PDGFD: variants seen among roughly 807,000 people sequenced by gnomAD.
The protein encoded by PDGFD is platelet derived growth factor D.
A neutral mutation model predicts 44.7 loss-of-function variants in PDGFD; 30 were observed. That is an observed-to-expected ratio of 0.67 (90% CI 0.50 to 0.91). The LOEUF (loss-of-function observed/expected upper bound fraction) is 0.91, where lower values mean the gene tolerates loss of function less well. PDGFD is among the 40% of genes least tolerant of loss of function. The pLI is 0.00. For synonymous variants in PDGFD, 173 were observed against 168.4 expected (o/e 1.03, Z -0.21); for missense variants, 445 against 457.8 (o/e 0.97, Z 0.25).
intron 1 of PDGFD, among the ~76,000 whole-genome samples, chr11:104,094,739 A>G (rs1861259050): frequency 6.6e-6 from 1 of 152,098 alleles, no homozygotes; most frequent in South Asian, 2.1e-4. Flanking sequence ...CATCCCATTC[A>G]TTGACAAATA....
chr11:104,020,808 T>A (rs1404278188), intron 1 of PDGFD, among the ~76,000 whole-genome samples: 1 of 152,190 alleles, frequency 6.6e-6, no homozygotes, highest in Non-Finnish European at 1.5e-5. Flanking sequence ...AATGCTAATA[T>A]AAAAGTATCA....
chr11:104,059,097 A>C (rs1024012622), intron 1 of PDGFD, among the ~76,000 whole-genome samples: 1 of 152,178 alleles, frequency 6.6e-6, no homozygotes, highest in Non-Finnish European at 1.5e-5. Flanking sequence ...GTCAAAACTC[A>C]ACCTGTACAA....
chr11:103,990,040 C>A (rs776998110), intron 3 of PDGFD, among the ~76,000 whole-genome samples: 1 of 152,030 alleles, frequency 6.6e-6, no homozygotes, highest in Non-Finnish European at 1.5e-5. Flanking sequence ...CCTTAGCTAA[C>A]CCTCTGGTTT....
intron 1 of PDGFD, among the ~76,000 whole-genome samples, chr11:104,118,073 A>T (rs1002155709): frequency 1.3e-5 from 2 of 151,938 alleles, no homozygotes; most frequent in African/African-American, 4.8e-5. Context: ...GTTTTTGTCC[A>T]TTCTTTCAGA....
At chr11:103,935,241 G>T (rs118041504) in intron 5 of PDGFD, among the ~76,000 whole-genome samples, 1 of 152,164 alleles carries the variant, frequency 6.6e-6, no homozygotes, top group Non-Finnish European at 1.5e-5. Flanking sequence ...GGACAACTGC[G>T]TCTAGGATGA....
intron 1 of PDGFD, among the ~76,000 whole-genome samples, chr11:104,107,280 T>G (rs1861484873): frequency 6.6e-6 from 1 of 152,104 alleles, no homozygotes; most frequent in African/African-American, 2.4e-5. Flanking sequence ...CTCTTGTTAG[T>G]CTTAAAGAAG....
intron 2 of PDGFD, among the ~76,000 whole-genome samples, chr11:103,998,678 C>A (rs1308854841): frequency 6.6e-6 from 1 of 152,174 alleles, no homozygotes; most frequent in Non-Finnish European, 1.5e-5. Flanking sequence ...CTATTTACAG[C>A]TGGTTGATCA....
intron 1 of PDGFD, among the ~76,000 whole-genome samples, chr11:104,127,572 C>T (rs1861858565): frequency 6.6e-6 from 1 of 152,146 alleles, no homozygotes; most frequent in South Asian, 2.1e-4. Flanking sequence ...ATAGCCTTTA[C>T]CATCACATCC....
intron 5 of PDGFD, among the ~76,000 whole-genome samples, chr11:103,933,275 G>GATC: frequency 6.6e-6 from 1 of 152,210 alleles, no homozygotes; most frequent in East Asian, 1.9e-4. Flanking sequence ...AGGTTCATAA[G>GATC]TTCACCAGGA....
chr11:104,017,612 C>T (rs1232923170), intron 1 of PDGFD, among the ~76,000 whole-genome samples: 1 of 152,116 alleles, frequency 6.6e-6, no homozygotes, highest in African/African-American at 2.4e-5. Flanking sequence ...AACACGAAAC[C>T]GTTCAACAAA....
chr11:104,107,216 C>A (rs1051109280), intron 1 of PDGFD, among the ~76,000 whole-genome samples: 6 of 152,150 alleles, frequency 3.9e-5, no homozygotes, highest in Non-Finnish European at 8.8e-5. Context: ...ATCACATGTG[C>A]CCTTTAAAAG....
chr11:103,928,710 C>G (rs1337101953), intron 5 of PDGFD, among the ~76,000 whole-genome samples: 3 of 151,940 alleles, frequency 2.0e-5, no homozygotes, highest in African/African-American at 7.3e-5. Context: ...TTTTTTTCTT[C>G]CTTTGTAAAG....
chr11:104,121,642 T>A (rs532172379), intron 1 of PDGFD, among the ~76,000 whole-genome samples: 2 of 152,198 alleles, frequency 1.3e-5, no homozygotes, highest in Non-Finnish European at 2.9e-5. Context: ...ATAAAGTTAA[T>A]CTTGCAAATT....
intron 1 of PDGFD, among the ~76,000 whole-genome samples, chr11:104,156,146 T>C (rs1862304425): frequency 6.6e-6 from 1 of 152,180 alleles, no homozygotes; most frequent in South Asian, 2.1e-4. Context: ...AAACATGTTG[T>C]ACATGATATA....
At position 104,163,845 on chromosome 11, in the gene PDGFD, G is replaced by A. The variant is rs754717378; in HGVS notation, c.83C>T (p.Ala28Val). The A allele has an allele frequency of 6.4e-7, 1 of 1,572,548 alleles. No individual in the cohort carries two copies. The highest frequency in any genetic ancestry group is 8.7e-7 in the Non-Finnish European group (1 of 1,149,844). The change falls in exon 1 of 7, where the codon GCA becomes GTA. Residue 28 changes from alanine to valine, a missense_variant. Transcript: ENST00000393158. ...CRDTSATPQS[A>V]SIKALRNANL... ...GGCGTTGCGCAAAGCTTTGATGGAT[G>A]CGCTCTGCGGGGTTGCAGAAGTGTC...
At chr11:103,993,585 A>G (rs1337677787) in intron 3 of PDGFD, among the ~76,000 whole-genome samples, 2 of 152,052 alleles carry the variant, frequency 1.3e-5, no homozygotes, top group African/African-American at 4.8e-5. Context: ...TGGTCTCTTA[A>G]GTTTATAAAC....
At chr11:103,942,937 G>C (rs1457925705) in intron 5 of PDGFD, among the ~76,000 whole-genome samples, 2 of 152,046 alleles carry the variant, frequency 1.3e-5, no homozygotes, top group Non-Finnish European at 2.9e-5. Flanking sequence ...CAAAAAATAA[G>C]AAGCTGGTTC....
rs139518408 is a variant in PDGFD at position 104,063,854 on chromosome 11, C to A, written c.125-63599G>T. 4.6e-3 allele frequency among the ~76,000 whole-genome samples: 700 copies of A among 152,220 alleles called. 4 individuals carry two copies. Among genetic ancestry groups the A allele is most frequent in the African/African-American group, 0.016 (666 of 41,534 alleles). On this transcript the variant is annotated intron_variant, in intron 1 of 6. Coordinates refer to ENST00000393158, the MANE Select transcript of PDGFD (RefSeq NM_025208.5). ...TACCTCCCCTGACATATGGAGATTA[C>A]AATTTGAGATGAGATTTGGGTGGGG... is the stretch of plus-strand genomic sequence containing the variant.
In PDGFD at chr11:104,012,418, C is replaced by T. The variant is rs78545833; in HGVS notation, c.125-12163G>A. Among the ~76,000 whole-genome samples, 3,232 of 152,274 alleles carry T rather than the reference C, an allele frequency of 0.021. 196 individuals are homozygous for T. The East Asian group carries it at 0.26, about 12-fold the overall frequency. On this transcript the variant is annotated intron_variant, in intron 1 of 6. Coordinates refer to ENST00000393158, the MANE Select transcript of PDGFD (RefSeq NM_025208.5). ...GACATTATACTTTTCTGGATAAATGCATGCTATTATCATTTTATTAAAAAG... is the reference window on the plus strand; with the variant it reads ...GACATTATACTTTTCTGGATAAATGTATGCTATTATCATTTTATTAAAAAG...
Sources: allele counts gnomAD v4.1 joint callset (sites outside exome capture counted in the v4.1 genomes callset), GRCh38; gene constraint gnomAD v4.1.1; transcripts MANE v1.5; gene names NCBI Gene and HGNC (gene_info 2026-07-23, HGNC 2026-07-21).